The following PTPRD variants were observed in gnomAD, a reference collection of about 807,000 sequenced individuals.
PTPRD encodes the protein protein tyrosine phosphatase receptor type D.
In PTPRD, 34 loss-of-function variants were observed where a neutral mutation model predicts 214.5. The ratio of observed to expected loss-of-function variants is 0.16; its 90% CI spans 0.12 to 0.21. The LOEUF (loss-of-function observed/expected upper bound fraction) is 0.21, where lower values mean the gene tolerates loss of function less well. Ranked by LOEUF, PTPRD falls within the 10% of genes least tolerant of loss-of-function variation. The pLI is 1.00. For synonymous variants in PTPRD, 1,128 were observed against 845.7 expected (o/e 1.33, Z -5.79); for missense variants, 2,545 against 2,398.7 (o/e 1.06, Z -1.27).
intron 2 of PTPRD, among the ~76,000 whole-genome samples, chr9:10,560,607 C>T (rs1234142241): frequency 6.6e-6 from 1 of 151,920 alleles, no homozygotes; most frequent in Admixed American, 6.6e-5. Context: ...AGGTTGATGT[C>T]CAGTTTAATC....
chr9:10,558,660 CT>C (rs1478274292), intron 2 of PTPRD, among the ~76,000 whole-genome samples: 1 of 152,156 alleles, frequency 6.6e-6, no homozygotes, highest in Non-Finnish European at 1.5e-5. Flanking sequence ...TTGGTAGGTT[CT>C]TCCCAAAGGG....
intron 11 of PTPRD, among the ~76,000 whole-genome samples, chr9:8,920,811 A>G (rs1195984793): frequency 1.3e-5 from 2 of 151,898 alleles, no homozygotes; most frequent in Non-Finnish European, 1.5e-5. Context: ...TTATTTATTT[A>G]TTTATTTATT....
intron 9 of PTPRD, among the ~76,000 whole-genome samples, chr9:9,254,734 A>G (rs756531773): frequency 3.3e-5 from 5 of 152,042 alleles, no homozygotes; most frequent in Non-Finnish European, 7.4e-5. Flanking sequence ...GCATACAAAC[A>G]TTTGAAAATT....
chr9:10,182,986 T>C (rs2099309153), intron 3 of PTPRD, among the ~76,000 whole-genome samples: 1 of 152,164 alleles, frequency 6.6e-6, no homozygotes, highest in Non-Finnish European at 1.5e-5. Flanking sequence ...GCTTCTAATC[T>C]TGGCTAAGTT....
At chr9:10,042,115 G>A (rs1234806365) in intron 3 of PTPRD, among the ~76,000 whole-genome samples, 2 of 152,010 alleles carry the variant, frequency 1.3e-5, no homozygotes, top group Non-Finnish European at 2.9e-5. Flanking sequence ...TAAAACTTTC[G>A]ACTGCTTTTT....
At chr9:10,141,360 T>C (rs1024418354) in intron 3 of PTPRD, among the ~76,000 whole-genome samples, 3 of 152,122 alleles carry the variant, frequency 2.0e-5, no homozygotes, top group Non-Finnish European at 4.4e-5. Context: ...CCCCATTGTC[T>C]CAGCCCAAAA....
At chr9:9,926,590 G>T (rs1262580468) in intron 5 of PTPRD, among the ~76,000 whole-genome samples, 2 of 152,062 alleles carry the variant, frequency 1.3e-5, no homozygotes, top group Non-Finnish European at 2.9e-5. Context: ...GAAGATAATT[G>T]TATCATTAAA....
At chr9:10,071,248 G>C (rs1212955250) in intron 3 of PTPRD, among the ~76,000 whole-genome samples, 1 of 151,966 alleles carries the variant, frequency 6.6e-6, no homozygotes, top group East Asian at 1.9e-4. Flanking sequence ...AAGATATTTT[G>C]TATATATGGA....
intron 7 of PTPRD, among the ~76,000 whole-genome samples, chr9:9,612,720 GA>G (rs910988093): frequency 3.7e-4 from 55 of 150,048 alleles, no homozygotes; most frequent in Admixed American, 3.2e-3. Context: ...AGAGCCAAAA[GA>G]AAAAAAAAGG....
intron 2 of PTPRD, among the ~76,000 whole-genome samples, chr9:10,482,153 C>A (rs561465950): frequency 2.6e-5 from 4 of 152,038 alleles, no homozygotes; most frequent in Admixed American, 2.6e-4. Context: ...GGGAGAATCA[C>A]GAGGTCAGGA....
At chr9:9,559,017 G>A (rs1185348307) in intron 8 of PTPRD, among the ~76,000 whole-genome samples, 2 of 152,194 alleles carry the variant, frequency 1.3e-5, no homozygotes, top group African/African-American at 2.4e-5. Flanking sequence ...TAAAGTGGAT[G>A]TCCGCACGTT....
intron 11 of PTPRD, among the ~76,000 whole-genome samples, chr9:8,804,213 A>C (rs540591472): frequency 1.3e-5 from 2 of 152,240 alleles, no homozygotes; most frequent in Admixed American, 1.3e-4. Context: ...TCAGCCTCCC[A>C]AAGTGCAGGA....
At chr9:10,508,076 C>G (rs983179351) in intron 2 of PTPRD, among the ~76,000 whole-genome samples, 6 of 152,172 alleles carry the variant, frequency 3.9e-5, no homozygotes, top group Non-Finnish European at 7.3e-5. Flanking sequence ...TATCCACAAT[C>G]TACAAAGAAC....
chr9:9,353,423 A>G (rs768705387), intron 9 of PTPRD, among the ~76,000 whole-genome samples: 12 of 151,974 alleles, frequency 7.9e-5, no homozygotes, highest in Non-Finnish European at 1.6e-4. Flanking sequence ...GAACAAAGAA[A>G]TAAAGCCAGT....
chr9:10,092,090 C>A (rs886709128), intron 3 of PTPRD, among the ~76,000 whole-genome samples: 5 of 151,350 alleles, frequency 3.3e-5, no homozygotes, highest in African/African-American at 1.2e-4. Flanking sequence ...AATGTATTTT[C>A]TGCCAGAGTT....
At chr9:10,575,190 T>C (rs2068813714) in intron 2 of PTPRD, among the ~76,000 whole-genome samples, 2 of 152,030 alleles carry the variant, frequency 1.3e-5, no homozygotes, top group Admixed American at 1.3e-4. Context: ...AATAGGTAGG[T>C]CCTTTCAAAG....
At chr9:8,672,847 G>T (rs534714898) in intron 12 of PTPRD, among the ~76,000 whole-genome samples, 21 of 145,796 alleles carry the variant, frequency 1.4e-4, no homozygotes, top group South Asian at 7.0e-4. Context: ...TACTCTGTGT[G>T]GGGGGGGTGG....
At position 10,136,644 on chromosome 9, in the gene PTPRD, G is replaced by C. The variant is rs369517096; in HGVS notation, c.-544-102854C>G. On this transcript the variant is annotated intron_variant, in intron 3 of 45. Transcript: ENST00000381196. ...CCATTCAGGACATAGGCGTGGGCAA[G>C]GACTTCATGTCCAAAACACCAAAAG... 9.3e-3 allele frequency among the ~76,000 whole-genome samples: 799 copies of C among 85,768 alleles called. 125 individuals carry two copies. The highest frequency in any genetic ancestry group is 0.026 in the African/African-American group (510 of 19,996). 56.3% of individuals were successfully genotyped at this position (85,768 alleles called of 152,430 possible). A position where few individuals can be genotyped will look rare whatever the true frequency, so the allele number is the denominator to read the frequency against.
intron 43 of PTPRD, among the ~76,000 whole-genome samples, chr9:8,332,247 G>GGGTATTT (rs1842190957): frequency 1.3e-5 from 2 of 152,096 alleles, no homozygotes; most frequent in African/African-American, 4.8e-5. Context: ...TGCTGTGCTT[G>GGGTATTT]CGTATTTCTA....
Sources: gnomAD v4.1 joint callset for allele counts (sites outside exome capture counted in the v4.1 genomes callset) on GRCh38, gnomAD v4.1.1 for gene constraint, MANE v1.5 for transcripts, NCBI Gene and HGNC (gene_info 2026-07-23, HGNC 2026-07-21) for gene names.